Variants in RAMP1 observed in about 807,000 individuals in gnomAD.
RAMP1 encodes receptor activity-modifying protein 1.
RAMP1 carries 7 observed loss-of-function variants against 8.2 expected under a neutral mutation model. That is an observed-to-expected ratio of 0.85 (90% CI 0.49 to 1.60). The LOEUF (loss-of-function observed/expected upper bound fraction) is 1.60, where lower values mean the gene tolerates loss of function less well. Among genes scored for constraint, RAMP1 ranks in the 40% most tolerant of loss-of-function variants. The pLI is 0.00. For missense variants in RAMP1, 192 were observed against 202.4 expected (o/e 0.95, Z 0.31); for synonymous variants, 92 against 84.7 (o/e 1.09, Z -0.47).
At chr2:237,897,729 G>A (rs553617648) in intron 2 of RAMP1, among the ~76,000 whole-genome samples, 1 of 147,170 alleles carries the variant, frequency 6.8e-6, no homozygotes, top group East Asian at 2.1e-4. Flanking sequence ...AGAAACACAT[G>A]CTCTCGTGGA....
intron 1 of RAMP1, chr2:237,869,829 C>G (rs1343343635): frequency 6.6e-6 from 1 of 152,246 alleles, no homozygotes; most frequent in African/African-American, 2.4e-5. Context: ...TTTTGAGGAG[C>G]CGCCACAGCG....
At chr2:237,899,163 C>T (rs1018895848) in intron 2 of RAMP1, among the ~76,000 whole-genome samples, 6 of 152,234 alleles carry the variant, frequency 3.9e-5, no homozygotes, top group African/African-American at 7.2e-5. Flanking sequence ...CTCCGCCTCC[C>T]GGGTTCAAGC....
At chr2:237,897,149 T>A (rs2062550368) in intron 2 of RAMP1, among the ~76,000 whole-genome samples, 4 of 152,218 alleles carry the variant, frequency 2.6e-5, no homozygotes, top group Admixed American at 2.0e-4. Context: ...GAGCCCCGCA[T>A]GCAACCACGG....
chr2:237,864,477 G>A (rs1175339227), intron 1 of RAMP1, among the ~76,000 whole-genome samples: 1 of 152,230 alleles, frequency 6.6e-6, no homozygotes, highest in Non-Finnish European at 1.5e-5. Flanking sequence ...AGACAGTTGT[G>A]AGAGGGAAGC....
At position 237,878,031 on chromosome 2, in the gene RAMP1, C is replaced by T. The variant is rs1189469367; in HGVS notation, c.191+669C>T. 4.1e-6 allele frequency: 4 copies of T among 985,348 alleles called. No individual in the cohort carries two copies. Among genetic ancestry groups the T allele is most frequent in the East Asian group, 1.1e-4 (1 of 8,818 alleles). The allele number at this position is 985,348 out of a possible 1,614,324, so 61.0% of individuals were successfully genotyped here. A position where few individuals can be genotyped will look rare whatever the true frequency, so the allele number is the denominator to read the frequency against. ...TGCCTCCAGAGCGGCGATCAGAACTCGGCATGTCCGCAATCGACTTTCAAG... is the reference window on the plus strand; with the variant it reads ...TGCCTCCAGAGCGGCGATCAGAACTTGGCATGTCCGCAATCGACTTTCAAG... On this transcript the variant is annotated intron_variant, in intron 2 of 2. Coordinates refer to ENST00000254661, the MANE Select transcript of RAMP1 (RefSeq NM_005855.4). This position sits in a 1 kb window ranked among gnomAD's most constrained non-coding sequence, Gnocchi z 5.7.
intron 2 of RAMP1, among the ~76,000 whole-genome samples, chr2:237,893,293 C>T (rs1331182020): frequency 2.0e-5 from 3 of 152,134 alleles, no homozygotes; most frequent in East Asian, 3.9e-4. Context: ...TCCTTCCTGG[C>T]GTGGTTGCTT....
rs1168198721 is a variant in RAMP1, at chr2:237,886,537, C to T, written c.191+9175C>T. ...CTGTGAGGACCCACAGAGAGGAGCC[C>T]TCGTGTTGGGGGAGCTTGGAGGCTG... is the stretch of plus-strand genomic sequence containing the variant. On this transcript the variant is annotated intron_variant, in intron 2 of 2. Coordinates refer to ENST00000254661, the MANE Select transcript of RAMP1 (RefSeq NM_005855.4). 2.0e-5 allele frequency among the ~76,000 whole-genome samples: 3 copies of T among 152,130 alleles called. No homozygotes were observed. In the South Asian group the frequency reaches 6.2e-4, roughly 32 times the overall value.
At chr2:237,864,145 A>AC (rs887428636) in intron 1 of RAMP1, among the ~76,000 whole-genome samples, 5 of 148,986 alleles carry the variant, frequency 3.4e-5, no homozygotes, top group African/African-American at 1.0e-4. Flanking sequence ...AGGCAGAGTG[A>AC]CCTGGCCCGT....
At chr2:237,867,381 C>A (rs1256476516) in intron 1 of RAMP1, among the ~76,000 whole-genome samples, 6 of 150,684 alleles carry the variant, frequency 4.0e-5, no homozygotes, top group Non-Finnish European at 5.9e-5. Context: ...AGAAAAGCTT[C>A]ATGTAGGTGA....
At chr2:237,859,781 C>T in intron 1 of RAMP1, 54 bp downstream of exon 1, 1 of 1,442,932 alleles carries the variant, frequency 6.9e-7, no homozygotes, top group South Asian at 1.4e-5. Context: ...CAGCCGGTGT[C>T]CTCTAGGGGA....
intron 2 of RAMP1, among the ~76,000 whole-genome samples, chr2:237,902,711 T>A (rs1003105742): frequency 5.9e-5 from 9 of 152,154 alleles, no homozygotes; most frequent in Non-Finnish European, 1.0e-4. Context: ...TGCCTGCACA[T>A]CAGAGCCCTC....
intron 2 of RAMP1, among the ~76,000 whole-genome samples, chr2:237,882,637 A>G (rs1166292766): frequency 6.6e-6 from 1 of 152,206 alleles, no homozygotes; most frequent in African/African-American, 2.4e-5. Context: ...GGTGAGGTCC[A>G]TCGCATTGAG....
intron 1 of RAMP1, among the ~76,000 whole-genome samples, chr2:237,868,570 C>T (rs2062212253): frequency 7.3e-6 from 1 of 136,516 alleles, no homozygotes; most frequent in Non-Finnish European, 1.5e-5. Flanking sequence ...TGATTCCCTC[C>T]CCCCACCAAA....
intron 2 of RAMP1, among the ~76,000 whole-genome samples, chr2:237,899,102 ACT>A (rs991056402): frequency 4.0e-5 from 6 of 150,288 alleles, no homozygotes; most frequent in Middle Eastern, 3.2e-3. Context: ...ACTGGGTCAC[ACT>A]CTGTCACCCA....
chr2:237,869,385 C>A (rs915079155), intron 1 of RAMP1, among the ~76,000 whole-genome samples: 3 of 152,214 alleles, frequency 2.0e-5, no homozygotes, highest in Admixed American at 6.5e-5. Flanking sequence ...CTATCCATCC[C>A]TAGAAGTTTT....
intron 2 of RAMP1, among the ~76,000 whole-genome samples, chr2:237,904,151 C>T (rs993058232): frequency 2.6e-5 from 4 of 152,126 alleles, no homozygotes; most frequent in Non-Finnish European, 5.9e-5. Context: ...CAGTGGCTCA[C>T]GCCTGTAATC....
At chr2:237,880,276 G>A (rs2062355400) in intron 2 of RAMP1, among the ~76,000 whole-genome samples, 1 of 152,222 alleles carries the variant, frequency 6.6e-6, no homozygotes, top group African/African-American at 2.4e-5. Context: ...GGTCCCTTAG[G>A]TTGGTCCCAG....
Position 237,865,333 on chromosome 2 carries a change from G to A in RAMP1, c.52+5606G>A, listed in dbSNP as rs1301831973. Among the ~76,000 whole-genome samples, 1 of 129,810 alleles carries A rather than the reference G, an allele frequency of 7.7e-6. No individual in the cohort carries two copies. The highest frequency in any genetic ancestry group is 1.6e-5 in the Non-Finnish European group (1 of 60,660). 85.2% of individuals were successfully genotyped at this position (129,810 alleles called of 152,430 possible). On this transcript the variant is annotated intron_variant, in intron 1 of 2. Coordinates refer to ENST00000254661, the MANE Select transcript of RAMP1 (RefSeq NM_005855.4). The surrounding 1 kb of genome is among the most constrained non-coding windows in gnomAD (Gnocchi z 4.2). ...GAGGGCAGGGGAGAAGAGAGGAGGGGAGGGGAGGGCAGGGGAGTAGAGAGG... is the reference window on the plus strand; with the variant it reads ...GAGGGCAGGGGAGAAGAGAGGAGGGAAGGGGAGGGCAGGGGAGTAGAGAGG...
chr2:237,906,163 T>A (rs1335719079), intron 2 of RAMP1, among the ~76,000 whole-genome samples: 1 of 152,246 alleles, frequency 6.6e-6, no homozygotes, highest in Admixed American at 6.5e-5. Flanking sequence ...ACGATGAGAC[T>A]CAAACCGTCA....
Sources: gnomAD v4.1 joint callset for allele counts (sites outside exome capture counted in the v4.1 genomes callset) on GRCh38, gnomAD v4.1.1 for gene constraint, Gnocchi (gnomAD v3.1) non-coding constraint, MANE v1.5 for transcripts, NCBI Gene and HGNC (gene_info 2026-07-23, HGNC 2026-07-21) for gene names.